SV2B: variants seen among roughly 807,000 people sequenced by gnomAD.
SV2B encodes solute carrier family 22 member B2.
A neutral mutation model predicts 73.9 loss-of-function variants in SV2B; 41 were observed. The observed-to-expected ratio is 0.56, with a 90% CI of 0.43 to 0.72. The LOEUF is 0.72. Among genes scored for constraint, SV2B ranks in the 30% least tolerant of loss-of-function variants. SV2B has a pLI of 0.00. For missense variants in SV2B, 764 were observed against 857.8 expected, an observed-to-expected ratio of 0.89 and a Z score of 1.37; for synonymous variants, 314 against 314.2, an observed-to-expected ratio of 1.00 and a Z score of 0.01.
chr15:91,138,849 C>A (rs897381395), intron 1 of SV2B, among the ~76,000 whole-genome samples: 1 of 152,084 alleles, frequency 6.6e-6, no homozygotes, highest in Non-Finnish European at 1.5e-5. Context: ...ATAGGACAAA[C>A]TATCTGGTTT....
At chr15:91,196,688 A>G (rs78058433) in intron 1 of SV2B, among the ~76,000 whole-genome samples, 5,567 of 152,324 alleles carry the variant, frequency 0.037, 114 homozygotes, top group African/African-American at 0.042. Flanking sequence ...AGAAAGGAAG[A>G]AAAATCAACA....
intron 1 of SV2B, among the ~76,000 whole-genome samples, chr15:91,196,522 C>T (rs976878979): frequency 3.9e-5 from 6 of 152,048 alleles, no homozygotes; most frequent in African/African-American, 7.2e-5. Flanking sequence ...ACTGGGAGGC[C>T]GGTTGTGGGA....
rs1426533690 is a variant in SV2B at position 91,226,291 on chromosome 15, T to C, written c.28T>C (p.Tyr10His). Residue 10 changes from tyrosine to histidine, a missense_variant, in exon 2 of 13, where the codon TAT becomes CAT. Tyr to His is a moderately conservative substitution (Grantham distance 83). Coordinates refer to ENST00000394232, the MANE Select transcript of SV2B (RefSeq NM_001323032.3). ...GGATGACTACAAGTATCAGGACAAT[T>C]ATGGGGGCTATGCTCCCAGTGATGG... MDDYKYQDNYGGYAPSDGYY... is the reference protein window; with the variant it reads MDDYKYQDNHGGYAPSDGYY... 3 of 1,613,896 alleles carry C rather than the reference T, an allele frequency of 1.9e-6. No homozygotes were observed. The African/African-American group carries it at 4.0e-5, about 22-fold the overall frequency.
At chr15:91,246,671 A>G (rs1244693684) in intron 2 of SV2B, among the ~76,000 whole-genome samples, 1 of 152,012 alleles carries the variant, frequency 6.6e-6, no homozygotes, top group African/African-American at 2.4e-5. Flanking sequence ...GTTACCACCA[A>G]TTAAAAGTCT....
Position 91,283,927 on chromosome 15 carries a change from C to G in SV2B, c.1508-94C>G. On this transcript the variant is annotated intron_variant, in intron 10 of 12. Transcript: ENST00000394232. This position sits in a 1 kb window ranked among gnomAD's most constrained non-coding sequence, Gnocchi z 4.3. ...GACTGGCAAAGGCTGGCACAGCCTG[C>G]CTACAGGAGGGGGCAGACTTCATCC... 7.7e-7 allele frequency: 1 copy of G among 1,304,600 alleles called. No individual in the cohort carries two copies. Among genetic ancestry groups the G allele is most frequent in the Non-Finnish European group, 1.1e-6 (1 of 922,810 alleles). The allele number at this position is 1,304,600 out of a possible 1,614,324, so 80.8% of individuals were successfully genotyped here. A position where few individuals can be genotyped will look rare whatever the true frequency, so the allele number is the denominator to read the frequency against.
intron 1 of SV2B, among the ~76,000 whole-genome samples, chr15:91,144,424 T>TA (rs1469424793): frequency 4.6e-5 from 7 of 152,222 alleles, no homozygotes; most frequent in Middle Eastern, 6.8e-3. Context: ...GATTTTTTTT[T>TA]AAAAAAGCAT....
rs192666597 is a variant in SV2B at position 91,234,994 on chromosome 15, C to T, written c.451+8280C>T. On this transcript the variant is annotated intron_variant, in intron 2 of 12. Coordinates refer to ENST00000394232, the MANE Select transcript of SV2B (RefSeq NM_001323032.3). The surrounding 1 kb of genome is among the most constrained non-coding windows in gnomAD (Gnocchi z 5.6). ...GTTTTAGCTCAGGTCCATCTCACAGCGGGTCCTCAAGCTTGTTCTGTGGTT... is the reference window on the plus strand; with the variant it reads ...GTTTTAGCTCAGGTCCATCTCACAGTGGGTCCTCAAGCTTGTTCTGTGGTT... 1.7e-3 allele frequency among the ~76,000 whole-genome samples: 257 copies of T among 152,268 alleles called. No individual in the cohort carries two copies. The highest frequency in any genetic ancestry group is 5.8e-3 in the African/African-American group (242 of 41,550).
rs2048739467 is a variant in SV2B at position 91,283,249 on chromosome 15, A to C, written c.1508-772A>C. Among the ~76,000 whole-genome samples the C allele has an allele frequency of 6.6e-6, 1 of 152,188 alleles. No homozygotes were observed. Among genetic ancestry groups the C allele is most frequent in the South Asian group, 2.1e-4 (1 of 4,834 alleles). ...CAATGCAAATGGCTTTTATTTTTTAAGAATGTTCAGGTTTTGGCACAGACT... is the reference window on the plus strand; with the variant it reads ...CAATGCAAATGGCTTTTATTTTTTACGAATGTTCAGGTTTTGGCACAGACT... On this transcript the variant is annotated intron_variant, in intron 10 of 12. Transcript: ENST00000394232. The surrounding 1 kb of genome is among the most constrained non-coding windows in gnomAD (Gnocchi z 4.3).
chr15:91,144,716 G>A (rs16945262), intron 1 of SV2B, among the ~76,000 whole-genome samples: 1,743 of 152,234 alleles, frequency 0.011, 33 homozygotes, highest in African/African-American at 0.04. Flanking sequence ...GGATAGAGAC[G>A]CCATGCTTTC....
intron 9 of SV2B, among the ~76,000 whole-genome samples, chr15:91,275,701 C>T (rs2048462245): frequency 6.6e-6 from 1 of 152,146 alleles, no homozygotes; most frequent in African/African-American, 2.4e-5. Flanking sequence ...TGTTGCATGC[C>T]TGTGGTCCCA....
chr15:91,288,769 C>G lies in SV2B; in HGVS notation c.1709-752C>G, dbSNP rs1461734118. On this transcript the variant is annotated intron_variant, in intron 11 of 12. Transcript: ENST00000394232. The surrounding 1 kb of genome is among the most constrained non-coding windows in gnomAD (Gnocchi z 5.8). ...CTCGGCTCACTGCAACCTCTGCCTC[C>G]CAGCTTCAAATAATTCTCGTGCCTC... 6.6e-6 allele frequency among the ~76,000 whole-genome samples: 1 copy of G among 152,046 alleles called. No homozygotes were observed. The highest frequency in any genetic ancestry group is 2.4e-5 in the African/African-American group (1 of 41,384).
intron 1 of SV2B, among the ~76,000 whole-genome samples, chr15:91,187,470 C>A (rs1281870865): frequency 6.6e-6 from 1 of 152,194 alleles, no homozygotes; most frequent in African/African-American, 2.4e-5. Flanking sequence ...CTGAAAGCTG[C>A]TCCTGCTTAT....
intron 2 of SV2B, among the ~76,000 whole-genome samples, chr15:91,228,279 T>C (rs11853906): frequency 0.12 from 18,833 of 152,006 alleles, 2,042 homozygotes; most frequent in African/African-American, 0.3. Context: ...AGCAAAGATA[T>C]CACCTGGAGT....
Position 91,105,056 on chromosome 15 carries a change from G to C in SV2B, c.-392+4693G>C, listed in dbSNP as rs1436986312. 1.3e-5 allele frequency among the ~76,000 whole-genome samples: 2 copies of C among 152,208 alleles called. No homozygotes were observed. Among genetic ancestry groups the C allele is most frequent in the African/African-American group, 4.8e-5 (2 of 41,440 alleles). ...CTGTGTTTCTGTGGTTGACCATCTAGAGATGTATGTATCTTTAGATAATCA... is the reference window on the plus strand; with the variant it reads ...CTGTGTTTCTGTGGTTGACCATCTACAGATGTATGTATCTTTAGATAATCA... On this transcript the variant is annotated intron_variant, in intron 1 of 12. Transcript: ENST00000394232. The surrounding 1 kb of genome is among the most constrained non-coding windows in gnomAD (Gnocchi z 5.5).
chr15:91,170,801 TG>T (rs1358786239), intron 1 of SV2B, among the ~76,000 whole-genome samples: 12 of 152,058 alleles, frequency 7.9e-5, no homozygotes, highest in Non-Finnish European at 1.3e-4. Context: ...CCTCATCTAA[TG>T]GAATAATAAA....
chr15:91,165,552 C>T (rs556727755), intron 1 of SV2B, among the ~76,000 whole-genome samples: 1 of 152,298 alleles, frequency 6.6e-6, no homozygotes, highest in South Asian at 2.1e-4. Context: ...ACTTGAGCAT[C>T]TGTGGATTTT....
rs959689927 is a variant in SV2B at position 91,121,859 on chromosome 15, C to G, written c.-392+21496C>G. On this transcript the variant is annotated intron_variant, in intron 1 of 12. Coordinates refer to ENST00000394232, the MANE Select transcript of SV2B (RefSeq NM_001323032.3). The surrounding 1 kb of genome is among the most constrained non-coding windows in gnomAD (Gnocchi z 4.4). Reference sequence around the variant, plus strand: ...GCGCGATCTCGGCTCACTGCAAGCTCTGCCTTCTGGGTTCACGCCATTCTC... The same window carrying G: ...GCGCGATCTCGGCTCACTGCAAGCTGTGCCTTCTGGGTTCACGCCATTCTC... 6.6e-6 allele frequency among the ~76,000 whole-genome samples: 1 copy of G among 151,476 alleles called. No individual in the cohort carries two copies. Among genetic ancestry groups the G allele is most frequent in the Non-Finnish European group, 1.5e-5 (1 of 67,968 alleles).
At chr15:91,206,268 C>T (rs564356108) in intron 1 of SV2B, among the ~76,000 whole-genome samples, 5 of 148,688 alleles carry the variant, frequency 3.4e-5, no homozygotes, top group African/African-American at 1.3e-4. Context: ...TCTTGAACTC[C>T]TGGGCTCAAG....
intron 1 of SV2B, among the ~76,000 whole-genome samples, chr15:91,209,376 C>T (rs1275984340): frequency 6.6e-6 from 1 of 152,118 alleles, no homozygotes. Context: ...CCCACCTCGG[C>T]CTCCCAAAGT....
Sources: gnomAD v4.1 joint callset for allele counts (sites outside exome capture counted in the v4.1 genomes callset) on GRCh38, gnomAD v4.1.1 for gene constraint, Gnocchi (gnomAD v3.1) non-coding constraint, MANE v1.5 for transcripts, NCBI Gene and HGNC (gene_info 2026-07-23, HGNC 2026-07-21) for gene names.